Variants in WWOX observed in about 807,000 individuals in gnomAD.
The protein encoded by WWOX is WW domain-containing oxidoreductase.
Under a neutral mutation model 46.2 loss-of-function variants are expected in WWOX, and 69 were observed. The observed-to-expected ratio is 1.49, with a 90% CI of 1.23 to 1.82. WWOX has a LOEUF of 1.82. Ranked by LOEUF, WWOX falls within the 40% of genes most tolerant of loss-of-function variation. The pLI, the probability that WWOX is intolerant of heterozygous loss-of-function variation, is 0.00. For missense variants in WWOX, 919 were observed against 542.6 expected (o/e 1.69, Z -6.89); for synonymous variants, 359 against 202.6 (o/e 1.77, Z -6.56).
chr16:78,998,382 A>G (rs1567471497), intron 8 of WWOX, among the ~76,000 whole-genome samples: 1 of 152,154 alleles, frequency 6.6e-6, no homozygotes, highest in Non-Finnish European at 1.5e-5. Flanking sequence ...TCGGGCCCAG[A>G]GCAGAGCCTA....
chr16:78,696,583 T>C (rs546612304), intron 8 of WWOX, among the ~76,000 whole-genome samples: 9 of 152,300 alleles, frequency 5.9e-5, no homozygotes, highest in African/African-American at 2.2e-4. Flanking sequence ...AGAATCGATA[T>C]TCTACCAGGC....
intron 8 of WWOX, among the ~76,000 whole-genome samples, chr16:79,180,636 C>T (rs1177122603): frequency 6.6e-6 from 1 of 150,976 alleles, no homozygotes; most frequent in Non-Finnish European, 1.5e-5. Flanking sequence ...GCTTAATTTG[C>T]TTCTTTCTTT....
intron 5 of WWOX, among the ~76,000 whole-genome samples, chr16:78,295,651 C>T (rs577343203): frequency 1.3e-5 from 2 of 152,302 alleles, no homozygotes; most frequent in Non-Finnish European, 2.9e-5. Flanking sequence ...ATGGTGGTTG[C>T]AGTGAGCCAA....
At chr16:79,049,983 C>T (rs2048136311) in intron 8 of WWOX, among the ~76,000 whole-genome samples, 1 of 151,928 alleles carries the variant, frequency 6.6e-6, no homozygotes, top group Non-Finnish European at 1.5e-5. Flanking sequence ...ATGCTTGTAC[C>T]TGAGGGAAGG....
At chr16:78,477,475 A>G (rs1353175476) in intron 8 of WWOX, among the ~76,000 whole-genome samples, 1 of 151,992 alleles carries the variant, frequency 6.6e-6, no homozygotes, top group Admixed American at 6.6e-5. Context: ...TCCTTATTAA[A>G]CCTCACCTCT....
chr16:78,499,702 C>G (rs958731637), intron 8 of WWOX, among the ~76,000 whole-genome samples: 2 of 152,166 alleles, frequency 1.3e-5, no homozygotes, highest in Admixed American at 6.5e-5. Context: ...AGAACCATGT[C>G]TTATTTTTTT....
chr16:79,040,813 G>A (rs566327260), intron 8 of WWOX, among the ~76,000 whole-genome samples: 15 of 151,928 alleles, frequency 9.9e-5, no homozygotes, highest in Admixed American at 2.6e-4. Context: ...CGGAGAGCTC[G>A]GGGAGGAGCA....
At chr16:78,491,816 T>G (rs2084791759) in intron 8 of WWOX, among the ~76,000 whole-genome samples, 2 of 152,188 alleles carry the variant, frequency 1.3e-5, no homozygotes, top group African/African-American at 4.8e-5. Flanking sequence ...AACTATCATT[T>G]GCAGAGGAGG....
At chr16:78,904,435 C>T (rs2044909038) in intron 8 of WWOX, among the ~76,000 whole-genome samples, 3 of 151,998 alleles carry the variant, frequency 2.0e-5, no homozygotes, top group South Asian at 4.2e-4. Flanking sequence ...GATGGGGTTT[C>T]AGCATGTTGG....
chr16:79,105,242 C>T (rs184152364), intron 8 of WWOX, among the ~76,000 whole-genome samples: 3 of 152,140 alleles, frequency 2.0e-5, no homozygotes, highest in Non-Finnish European at 4.4e-5. Context: ...TGTTTTGAAT[C>T]ATTCAAAGGA....
At chr16:78,757,054 G>C in intron 8 of WWOX, 3 of 702,670 alleles carry the variant, frequency 4.3e-6, no homozygotes, top group Non-Finnish European at 7.8e-6. Flanking sequence ...TGCAGCCCTA[G>C]TTAAGCCTTG....
chr16:79,077,605 G>C (rs1211323400), intron 8 of WWOX: 1 of 150,106 alleles, frequency 6.7e-6, no homozygotes, highest in Non-Finnish European at 1.5e-5. Context: ...CATTGTTGCT[G>C]AAAGGGCCTC....
intron 8 of WWOX, among the ~76,000 whole-genome samples, chr16:78,910,777 A>G (rs1314277809): frequency 6.6e-6 from 1 of 151,882 alleles, no homozygotes; most frequent in Non-Finnish European, 1.5e-5. Context: ...CAGAAACAAC[A>G]TGGCAAAGAC....
At chr16:78,508,310 C>CTTTTTTTTTTTTTTTTTTTTT (rs60281450) in intron 8 of WWOX, among the ~76,000 whole-genome samples, 5 of 112,768 alleles carry the variant, frequency 4.4e-5, no homozygotes, top group South Asian at 3.3e-4. Flanking sequence ...TGCGCCCGGC[C>CTTTTTTTTTTTTTTTTTTTTT]TTTTTTTTTT....
rs187715450 is a variant in WWOX, at chr16:78,343,302, A to G, written c.517-43558A>G. On this transcript the variant is annotated intron_variant, in intron 5 of 8. Coordinates refer to ENST00000566780, the MANE Select transcript of WWOX (RefSeq NM_016373.4). Reference sequence around the variant, plus strand: ...CTGTGCTGATTGAGCAAACTAATCCATAACCCACCGCCACGTTCCTCGCCT... The same window carrying G: ...CTGTGCTGATTGAGCAAACTAATCCGTAACCCACCGCCACGTTCCTCGCCT... 1.0e-4 allele frequency among the ~76,000 whole-genome samples: 12 copies of G among 120,442 alleles called. 3 individuals carry two copies. Among genetic ancestry groups the G allele is most frequent in the Admixed American group, 8.1e-5 (1 of 12,386 alleles). The allele number at this position is 120,442 out of a possible 152,430, so 79.0% of individuals were successfully genotyped here. A position where few individuals can be genotyped will look rare whatever the true frequency, so the allele number is the denominator to read the frequency against.
chr16:78,804,869 G>A (rs907125197), intron 8 of WWOX, among the ~76,000 whole-genome samples: 1 of 152,202 alleles, frequency 6.6e-6, no homozygotes, highest in Non-Finnish European at 1.5e-5. Flanking sequence ...AGCCATGACA[G>A]TATTACGGGT....
intron 8 of WWOX, among the ~76,000 whole-genome samples, chr16:78,490,517 T>C (rs1475283059): frequency 6.6e-6 from 1 of 152,190 alleles, no homozygotes; most frequent in African/African-American, 2.4e-5. Context: ...CGAACATGCG[T>C]TGTTTTCAAT....
At chr16:79,044,790 G>A (rs2048035505) in intron 8 of WWOX, among the ~76,000 whole-genome samples, 1 of 152,182 alleles carries the variant, frequency 6.6e-6, no homozygotes, top group Non-Finnish European at 1.5e-5. Context: ...ATGCTGAAGA[G>A]TGTGGATCTT....
chr16:79,011,134 T>TA (rs1491150983), intron 8 of WWOX, among the ~76,000 whole-genome samples: 21 of 80,448 alleles, frequency 2.6e-4, no homozygotes, highest in Admixed American at 2.1e-3. Context: ...CACTCACACA[T>TA]CCACACACAC....
Sources: allele counts gnomAD v4.1 joint callset (sites outside exome capture counted in the v4.1 genomes callset), GRCh38; gene constraint gnomAD v4.1.1; transcripts MANE v1.5; gene names NCBI Gene and HGNC (gene_info 2026-07-23, HGNC 2026-07-21).